FER1L6: variants seen among roughly 807,000 people sequenced by gnomAD.
FER1L6 encodes the protein fer-1-like protein 6.
Under a neutral mutation model 219.2 loss-of-function variants are expected in FER1L6, and 177 were observed. The observed-to-expected ratio is 0.81, with a 90% confidence interval of 0.71 to 0.91. The LOEUF (loss-of-function observed/expected upper bound fraction) is 0.91, where lower values mean the gene tolerates loss of function less well. Ranked by LOEUF, FER1L6 falls within the 40% of genes least tolerant of loss-of-function variation. The pLI is 0.00. For missense variants in FER1L6, 2,153 were observed against 2,259.9 expected, an observed-to-expected ratio of 0.95 and a Z score of 0.96; for synonymous variants, 768 against 824.3, an observed-to-expected ratio of 0.93 and a Z score of 1.17.
intron 36 of FER1L6, 43 bp from the exon 37 acceptor site, chr8:124,097,742 G>A (rs1203852809): frequency 9.3e-7 from 1 of 1,073,694 alleles, no homozygotes; most frequent in South Asian, 1.3e-5. Context: ...AACTGACTCA[G>A]CTTTCAAGGT....
intron 1 of FER1L6, among the ~76,000 whole-genome samples, chr8:123,874,129 G>A (rs1816965887): frequency 6.6e-6 from 1 of 152,160 alleles, no homozygotes; most frequent in Non-Finnish European, 1.5e-5. Flanking sequence ...ACAGCTAAAT[G>A]AGGCTAGAGA....
chr8:123,890,205 T>A (rs1371926883), intron 1 of FER1L6, among the ~76,000 whole-genome samples: 1 of 152,114 alleles, frequency 6.6e-6, no homozygotes, highest in African/African-American at 2.4e-5. Flanking sequence ...TACTTACTGG[T>A]CATGTGCCTA....
At chr8:124,050,802 C>T (rs961587854) in intron 22 of FER1L6, among the ~76,000 whole-genome samples, 9 of 151,898 alleles carry the variant, frequency 5.9e-5, no homozygotes, top group African/African-American at 1.7e-4. Flanking sequence ...CATTCATGAG[C>T]GTTTTGCCCT....
intron 38 of FER1L6, 56 bp from the exon 39 acceptor site, chr8:124,103,090 C>A: frequency 6.8e-7 from 1 of 1,481,008 alleles, no homozygotes; most frequent in Non-Finnish European, 9.4e-7. Flanking sequence ...GATTGAGAAG[C>A]TCTTCTGTTA....
Position 123,971,172 on chromosome 8 carries a change from AAT to A in FER1L6, c.447+1078_447+1079del, listed in dbSNP as rs1222390968. ...ATATAATATCTAAACAGATATATAA[AAT>A]ATGTTCCCTTTAACTACAGCTGACT... On this transcript the variant is annotated intron_variant, in intron 6 of 40. Coordinates refer to ENST00000522917, the MANE Select transcript of FER1L6 (RefSeq NM_001039112.2). Among the ~76,000 whole-genome samples the A allele has an allele frequency of 7.2e-5, 11 of 152,354 alleles. No homozygotes were observed. The East Asian group carries it at 2.1e-3, about 29-fold the overall frequency.
chr8:124,107,271 G>A (rs1400343552), intron 39 of FER1L6, among the ~76,000 whole-genome samples: 1 of 152,090 alleles, frequency 6.6e-6, no homozygotes, highest in Admixed American at 6.5e-5. Context: ...GTTTCCTTCT[G>A]TTTACTCAGT....
intron 22 of FER1L6, among the ~76,000 whole-genome samples, chr8:124,055,572 C>T (rs80259689): frequency 6.6e-6 from 1 of 152,226 alleles, no homozygotes; most frequent in African/African-American, 2.4e-5. Flanking sequence ...GTTTCCCCTA[C>T]TTTTATAATG....
intron 1 of FER1L6, among the ~76,000 whole-genome samples, chr8:123,883,229 T>C (rs1352711625): frequency 2.6e-5 from 4 of 152,174 alleles, no homozygotes; most frequent in African/African-American, 9.7e-5. Flanking sequence ...GGCTGTGCTG[T>C]GGCATTTGCA....
At chr8:124,074,668 A>G (rs1341042587) in intron 31 of FER1L6, among the ~76,000 whole-genome samples, 2 of 151,618 alleles carry the variant, frequency 1.3e-5, no homozygotes, top group South Asian at 2.1e-4. Context: ...AAAAAAAAAG[A>G]AAAAGAAGAA....
intron 12 of FER1L6, among the ~76,000 whole-genome samples, chr8:124,001,643 A>G (rs1368889069): frequency 6.6e-6 from 1 of 152,234 alleles, no homozygotes; most frequent in Non-Finnish European, 1.5e-5. Flanking sequence ...TAAGGTAAGA[A>G]TAATGAAGAA....
chr8:123,856,349 T>TATG (rs71289618), intron 1 of FER1L6, among the ~76,000 whole-genome samples: 1 of 134,512 alleles, frequency 7.4e-6, no homozygotes, highest in Non-Finnish European at 1.6e-5. Context: ...TATATATATA[T>TATG]TAGGGTCCAG....
At chr8:124,113,347 G>A (rs1192582730) in intron 39 of FER1L6, among the ~76,000 whole-genome samples, 1 of 152,014 alleles carries the variant, frequency 6.6e-6, no homozygotes, top group Non-Finnish European at 1.5e-5. Flanking sequence ...TTGAGTATTT[G>A]TATGTATATA....
intron 33 of FER1L6, among the ~76,000 whole-genome samples, chr8:124,087,785 T>C (rs1367820925): frequency 6.6e-6 from 1 of 152,224 alleles, no homozygotes; most frequent in East Asian, 1.9e-4. Context: ...ACTGCAGCCA[T>C]ATCTGCATTA....
intron 1 of FER1L6, among the ~76,000 whole-genome samples, chr8:123,949,830 T>C (rs1394651313): frequency 1.3e-5 from 2 of 152,180 alleles, no homozygotes; most frequent in African/African-American, 4.8e-5. Flanking sequence ...GATGCCGTAC[T>C]CTAATAATTC....
chr8:123,947,081 T>C (rs1814528891), intron 1 of FER1L6, among the ~76,000 whole-genome samples: 1 of 151,926 alleles, frequency 6.6e-6, no homozygotes, highest in Admixed American at 6.6e-5. Context: ...GGTCAGGAGA[T>C]AGAGACCATC....
chr8:124,118,377 G>A (rs1021062062), intron 39 of FER1L6, among the ~76,000 whole-genome samples: 2 of 152,076 alleles, frequency 1.3e-5, no homozygotes, highest in Non-Finnish European at 1.5e-5. Flanking sequence ...TAACTAGTGG[G>A]GACAACCAAA....
At chr8:123,946,961 G>T (rs77813160) in intron 1 of FER1L6, among the ~76,000 whole-genome samples, 2,099 of 151,916 alleles carry the variant, frequency 0.014, 61 homozygotes, top group African/African-American at 0.048. Flanking sequence ...ACTTTTTTTT[G>T]AATGACTATA....
intron 1 of FER1L6, among the ~76,000 whole-genome samples, chr8:123,948,555 T>A (rs929429001): frequency 5.3e-5 from 8 of 152,204 alleles, no homozygotes; most frequent in Non-Finnish European, 1.0e-4. Flanking sequence ...TTAGACTTAT[T>A]CCTGAGTTTT....
intron 21 of FER1L6, chr8:124,046,661 C>T (rs1460546721): frequency 6.6e-6 from 1 of 152,336 alleles, no homozygotes; most frequent in Non-Finnish European, 1.5e-5. Context: ...TCCCCACCTC[C>T]TCGCAGTACT....
Sources: allele counts gnomAD v4.1 joint callset (sites outside exome capture counted in the v4.1 genomes callset), GRCh38; gene constraint gnomAD v4.1.1; transcripts MANE v1.5; gene names NCBI Gene and HGNC (gene_info 2026-07-23, HGNC 2026-07-21).